Variants in SMG7 observed in about 807,000 individuals in gnomAD.
SMG7 encodes the protein nonsense-mediated mRNA decay factor SMG7.
Under a neutral mutation model 148.2 loss-of-function variants are expected in SMG7, and 34 were observed. The ratio of observed to expected loss-of-function variants is 0.23; its 90% confidence interval spans 0.17 to 0.31. The LOEUF (loss-of-function observed/expected upper bound fraction) is 0.31. Ranked by LOEUF, SMG7 falls within the 10% of genes least tolerant of loss-of-function variation. The probability of loss-of-function intolerance (pLI) is 1.00; values close to 1 mark genes in which losing one functional copy is unlikely to be tolerated. For missense variants in SMG7, 1,114 were observed against 1,408.4 expected, an observed-to-expected ratio of 0.79 and a Z score of 3.35; for synonymous variants, 492 against 515.1, an observed-to-expected ratio of 0.96 and a Z score of 0.61.
chr1:183,480,285 C>CTT (rs893605861), intron 1 of SMG7, among the ~76,000 whole-genome samples: 6 of 152,168 alleles, frequency 3.9e-5, no homozygotes, highest in African/African-American at 1.4e-4. Flanking sequence ...TCTGATTTTT[C>CTT]TTTTCAAGTT....
intron 1 of SMG7, among the ~76,000 whole-genome samples, chr1:183,477,602 A>C (rs1193724052): frequency 7.7e-6 from 1 of 130,328 alleles, no homozygotes; most frequent in African/African-American, 2.9e-5. Context: ...ATATGTGTAT[A>C]TATGCATATA....
Position 183,472,541 on chromosome 1 carries a change from C to T in SMG7, c.-80C>T, listed in dbSNP as rs1650896610. The stretch of plus-strand genomic sequence containing the variant: ...GAAGATGGCGGCGGCCGCCAGCACC[C>T]GCGGTGCCGCGGGGCCGCTCCGAGG... On this transcript the variant is annotated 5_prime_UTR_variant, in exon 1 of 23. Transcript: ENST00000688051. The T allele has an allele frequency of 2.3e-6, 3 of 1,316,078 alleles. No homozygotes were observed. The highest frequency in any genetic ancestry group is 2.0e-6 in the Non-Finnish European group (2 of 1,016,314). The allele number at this position is 1,316,078 out of a possible 1,614,324, so 81.5% of individuals were successfully genotyped here.
intron 1 of SMG7, among the ~76,000 whole-genome samples, chr1:183,504,372 C>T (rs1660427952): frequency 6.6e-6 from 1 of 151,948 alleles, no homozygotes. Context: ...CCGAGTCTCG[C>T]TCTTGTTGTC....
At chr1:183,543,194 G>A (rs561728844) in intron 14 of SMG7, among the ~76,000 whole-genome samples, 30 of 151,988 alleles carry the variant, frequency 2.0e-4, no homozygotes, top group African/African-American at 7.2e-4. Flanking sequence ...AAACAGAAAA[G>A]GGCCTTTATT....
At chr1:183,517,875 C>A (rs1663898824) in intron 4 of SMG7, 55 bp downstream of exon 4, 1 of 1,559,784 alleles carries the variant, frequency 6.4e-7, no homozygotes, top group Non-Finnish European at 8.8e-7. Context: ...ATATTCTGCT[C>A]TTTGTACACG....
At chr1:183,548,099 C>A (rs565540000) in intron 18 of SMG7, among the ~76,000 whole-genome samples, 76 of 152,242 alleles carry the variant, frequency 5.0e-4, no homozygotes, top group African/African-American at 1.7e-3. Flanking sequence ...AATTAAAGTA[C>A]ATTAATTTTA....
rs1370618199 is a variant in SMG7 at position 183,476,986 on chromosome 1, ATAT to A, written c.29+4341_29+4343del. Reference sequence around the variant, plus strand: ...TAGGATAGGCCGCAGGTGAGGTATAATATTATGCTTTAAAATAATGGCATTTTG... The same window carrying A: ...TAGGATAGGCCGCAGGTGAGGTATAATATGCTTTAAAATAATGGCATTTTG... On this transcript the variant is annotated intron_variant, in intron 1 of 22. Transcript: ENST00000688051. Among the ~76,000 whole-genome samples, 12 of 152,298 alleles carry A rather than the reference ATAT, an allele frequency of 7.9e-5. No individual in the cohort carries two copies. In the East Asian group the frequency reaches 2.1e-3, roughly 27 times the overall value.
chr1:183,488,234 G>A (rs1030770705), intron 1 of SMG7, among the ~76,000 whole-genome samples: 2 of 152,166 alleles, frequency 1.3e-5, no homozygotes, highest in African/African-American at 4.8e-5. Flanking sequence ...TAGGTTTTGA[G>A]GTTTTTCTCT....
intron 4 of SMG7, among the ~76,000 whole-genome samples, chr1:183,519,502 G>A: frequency 6.6e-6 from 1 of 151,316 alleles, no homozygotes; most frequent in Non-Finnish European, 1.5e-5. Flanking sequence ...AGGATATGGA[G>A]GTAAATTAGA....
chr1:183,490,492 A>G (rs1211596467), intron 1 of SMG7, among the ~76,000 whole-genome samples: 1 of 152,210 alleles, frequency 6.6e-6, no homozygotes, highest in Non-Finnish European at 1.5e-5. Context: ...TGATATTTTA[A>G]TAACTATTAT....
In SMG7 at chr1:183,552,951, T is replaced by C; in HGVS notation, c.*1020T>C. ...TGCTAGTAATTGTTTTTATTCCTAA[T>C]GTGTGCAACATCACATCTCCCCAAG... On this transcript the variant is annotated 3_prime_UTR_variant, in exon 23 of 23. Coordinates refer to ENST00000688051, the MANE Select transcript of SMG7 (RefSeq NM_001375584.1). 3 of 1,533,252 alleles carry C rather than the reference T, an allele frequency of 2.0e-6. No homozygotes were observed. Among genetic ancestry groups the C allele is most frequent in the Non-Finnish European group, 2.6e-6 (3 of 1,144,690 alleles). The allele number at this position is 1,533,252 out of a possible 1,614,324, so 95.0% of individuals were successfully genotyped here. A position where few individuals can be genotyped will look rare whatever the true frequency, so the allele number is the denominator to read the frequency against.
chr1:183,472,814 C>A, intron 1 of SMG7, 165 bp downstream of exon 1: 1 of 549,018 alleles, frequency 1.8e-6, no homozygotes, highest in Non-Finnish European at 2.8e-6. Context: ...GGGGGCGGAA[C>A]GGGTATGGGT....
chr1:183,551,016 A>G (rs762751462), intron 21 of SMG7, 29 bp from the exon 22 acceptor site: 2 of 1,613,804 alleles, frequency 1.2e-6, no homozygotes, highest in South Asian at 1.1e-5. Flanking sequence ...CATCTTCTTG[A>G]ATTTTTCTTA....
At position 183,549,790 on chromosome 1, in the gene SMG7, C is replaced by T; in HGVS notation, c.3000C>T (p.Phe1000=). The T allele has an allele frequency of 1.9e-6, 3 of 1,613,698 alleles. No homozygotes were observed. The highest frequency in any genetic ancestry group is 2.5e-6 in the Non-Finnish European group (3 of 1,179,682). Residue 1000 remains phenylalanine (F), a synonymous_variant, in exon 20 of 23, where the codon TTC becomes TTT. Transcript: ENST00000688051. ...NQERYPNNSM[F]NEVYGKNLTS... is the part of the protein sequence containing the mutation. ...AAAGATACCCAAATAATAGTATGTTCAATGAGGTATATGGGAAAAACCTGA... is the reference window on the plus strand; with the variant it reads ...AAAGATACCCAAATAATAGTATGTTTAATGAGGTATATGGGAAAAACCTGA...
chr1:183,478,640 T>C (rs1653280546), intron 1 of SMG7, among the ~76,000 whole-genome samples: 1 of 152,190 alleles, frequency 6.6e-6, no homozygotes, highest in Non-Finnish European at 1.5e-5. Flanking sequence ...GACCCACTAG[T>C]ATTGCAAGTT....
intron 1 of SMG7, among the ~76,000 whole-genome samples, chr1:183,493,551 C>A (rs900728274): frequency 2.0e-5 from 3 of 152,124 alleles, no homozygotes; most frequent in Non-Finnish European, 4.4e-5. Context: ...GGGTTATAAC[C>A]TTAGTGTTGG....
intron 1 of SMG7, among the ~76,000 whole-genome samples, chr1:183,478,260 A>G (rs1450141915): frequency 6.6e-6 from 1 of 152,120 alleles, no homozygotes; most frequent in East Asian, 1.9e-4. Context: ...AGTCTTCTTC[A>G]CCTGCCCCAT....
At chr1:183,536,196 G>T (rs1412564454) in intron 10 of SMG7, among the ~76,000 whole-genome samples, 1 of 152,054 alleles carries the variant, frequency 6.6e-6, no homozygotes, top group Admixed American at 6.6e-5. Context: ...TGATTAGACA[G>T]ATGAGTCTAC....
chr1:183,481,388 G>A (rs560902848), intron 1 of SMG7, among the ~76,000 whole-genome samples: 155 of 152,166 alleles, frequency 1.0e-3, no homozygotes, highest in Admixed American at 5.7e-3. Flanking sequence ...AAACTTTGTA[G>A]CATTTCCTGT....
Sources: allele counts gnomAD v4.1 joint callset (sites outside exome capture counted in the v4.1 genomes callset), GRCh38; gene constraint gnomAD v4.1.1; transcripts MANE v1.5; gene names NCBI Gene and HGNC (gene_info 2026-07-23, HGNC 2026-07-21).